The following CYYR1 variants were observed in gnomAD, a reference collection of about 807,000 sequenced individuals.
CYYR1 encodes the protein cysteine and tyrosine-rich protein 1.
In CYYR1, 14 loss-of-function variants were observed where a neutral mutation model predicts 15.2. The observed-to-expected ratio is 0.92, with a 90% confidence interval of 0.61 to 1.44. The LOEUF is 1.44. CYYR1 is among the 40% of genes most tolerant of loss of function. The pLI, the probability that CYYR1 is intolerant of heterozygous loss-of-function variation, is 0.00. For missense variants in CYYR1, 228 were observed against 209.5 expected (o/e 1.09, Z -0.54); for synonymous variants, 80 against 77.4 (o/e 1.03, Z -0.18).
chr21:26,546,030 A>C, intron 2 of CYYR1, among the ~76,000 whole-genome samples: 1 of 152,156 alleles, frequency 6.6e-6, no homozygotes, highest in East Asian at 1.9e-4. Context: ...GAATAAAATA[A>C]CTTTATTTTT....
Position 26,486,784 on chromosome 21 carries a change from C to T in CYYR1, c.177-6355G>A, listed in dbSNP as rs79584712. Among the ~76,000 whole-genome samples, 15 of 152,054 alleles carry T rather than the reference C, an allele frequency of 9.9e-5. No homozygotes were observed. The East Asian group carries it at 2.5e-3, about 25-fold the overall frequency. ...GTAAAAAAAGATTCTGATAATGTTGCCATGTTGCAGTAACACTTTTAGGCT... is the reference window on the plus strand; with the variant it reads ...GTAAAAAAAGATTCTGATAATGTTGTCATGTTGCAGTAACACTTTTAGGCT... On this transcript the variant is annotated intron_variant, in intron 2 of 3. Coordinates refer to ENST00000652641, the MANE Select transcript of CYYR1 (RefSeq NM_001320768.2).
At chr21:26,484,739 T>C (rs1279372362) in intron 2 of CYYR1, among the ~76,000 whole-genome samples, 2 of 152,088 alleles carry the variant, frequency 1.3e-5, no homozygotes, top group Non-Finnish European at 2.9e-5. Flanking sequence ...AGATATCGAA[T>C]TGGGACATAT....
intron 2 of CYYR1, among the ~76,000 whole-genome samples, chr21:26,540,778 T>C (rs1978497957): frequency 6.6e-6 from 1 of 152,112 alleles, no homozygotes. Flanking sequence ...ATTCCATACA[T>C]AGTCAAGAGG....
At chr21:26,527,195 G>A (rs541531628) in intron 2 of CYYR1, among the ~76,000 whole-genome samples, 37 of 152,070 alleles carry the variant, frequency 2.4e-4, no homozygotes, top group Non-Finnish European at 3.8e-4. Context: ...TACAGTAAAG[G>A]CCAGAAACAC....
intron 2 of CYYR1, among the ~76,000 whole-genome samples, chr21:26,512,315 C>T (rs1171408334): frequency 1.3e-5 from 2 of 152,092 alleles, no homozygotes; most frequent in East Asian, 1.9e-4. Flanking sequence ...TCTCCTGCCT[C>T]GGCCTCCCAA....
chr21:26,533,755 G>A (rs970225728), intron 2 of CYYR1, among the ~76,000 whole-genome samples: 8 of 152,156 alleles, frequency 5.3e-5, no homozygotes, highest in Admixed American at 3.9e-4. Context: ...TATTGCTGCT[G>A]TTGTTGGTGT....
In CYYR1 at chr21:26,573,244, C is replaced by G. The variant is rs534185584; in HGVS notation, c.-304G>C. On this transcript the variant is annotated 5_prime_UTR_variant, in exon 1 of 4. Transcript: ENST00000652641. The stretch of plus-strand genomic sequence containing the variant: ...AAGGCGGCCACTCCGGCGTCCTTGG[C>G]CACCCAGGCTCACATTTCATCTCCG... 7.3e-7 allele frequency: 1 copy of G among 1,376,278 alleles called. No individual in the cohort carries two copies. Among genetic ancestry groups the G allele is most frequent in the Non-Finnish European group, 9.5e-7 (1 of 1,051,062 alleles). 85.3% of individuals were successfully genotyped at this position (1,376,278 alleles called of 1,614,324 possible).
chr21:26,570,505 G>T (rs753239253), intron 1 of CYYR1, among the ~76,000 whole-genome samples: 1 of 152,178 alleles, frequency 6.6e-6, no homozygotes, highest in Non-Finnish European at 1.5e-5. Context: ...TTTGTAGCCT[G>T]CAGTGGGAGT....
intron 2 of CYYR1, among the ~76,000 whole-genome samples, chr21:26,516,403 A>G (rs1226160646): frequency 6.6e-6 from 1 of 152,236 alleles, no homozygotes; most frequent in African/African-American, 2.4e-5. Flanking sequence ...AATGATGACA[A>G]AAGTTTGAGA....
chr21:26,571,265 T>G (rs1980994385), intron 1 of CYYR1, among the ~76,000 whole-genome samples: 1 of 152,246 alleles, frequency 6.6e-6, no homozygotes, highest in Non-Finnish European at 1.5e-5. Flanking sequence ...AAGAGCTTAT[T>G]AGCTAAACAC....
chr21:26,494,102 C>T (rs1438799341), intron 2 of CYYR1, among the ~76,000 whole-genome samples: 5 of 152,132 alleles, frequency 3.3e-5, no homozygotes, highest in African/African-American at 9.7e-5. Context: ...TCAGACAATG[C>T]CCGAGGTTCC....
chr21:26,483,836 ATCTC>A (rs1302556577), intron 2 of CYYR1, among the ~76,000 whole-genome samples: 1 of 152,014 alleles, frequency 6.6e-6, no homozygotes, highest in Non-Finnish European at 1.5e-5. Context: ...ATGTTGCTCA[ATCTC>A]TCTGTGCCTC....
At chr21:26,543,954 C>A (rs935330249) in intron 2 of CYYR1, among the ~76,000 whole-genome samples, 10 of 152,000 alleles carry the variant, frequency 6.6e-5, no homozygotes, top group African/African-American at 2.2e-4. Flanking sequence ...AATGGTCACA[C>A]ATAGCTGCAA....
chr21:26,538,526 C>T (rs1978337451), intron 2 of CYYR1, among the ~76,000 whole-genome samples: 1 of 151,806 alleles, frequency 6.6e-6, no homozygotes, highest in African/African-American at 2.4e-5. Context: ...CTTATTTTTC[C>T]ACCACTTTGT....
intron 2 of CYYR1, among the ~76,000 whole-genome samples, chr21:26,553,937 T>C (rs1385690562): frequency 6.6e-6 from 1 of 152,208 alleles, no homozygotes; most frequent in Non-Finnish European, 1.5e-5. Context: ...CTATGATCAA[T>C]GACTTTTTAT....
chr21:26,545,629 G>A (rs1978916708), intron 2 of CYYR1, among the ~76,000 whole-genome samples: 1 of 124,648 alleles, frequency 8.0e-6, no homozygotes, highest in Admixed American at 1.1e-4. Context: ...GTTCAGTGGT[G>A]CGATCTCGGC....
intron 2 of CYYR1, among the ~76,000 whole-genome samples, chr21:26,494,511 T>C (rs2065367574): frequency 6.6e-6 from 1 of 152,188 alleles, no homozygotes; most frequent in South Asian, 2.1e-4. Flanking sequence ...TACTCATTCA[T>C]ATTATCTAGC....
chr21:26,505,873 A>C (rs550229936), intron 2 of CYYR1, among the ~76,000 whole-genome samples: 383 of 152,340 alleles, frequency 2.5e-3, no homozygotes, highest in African/African-American at 8.9e-3. Context: ...GCATTAAGGA[A>C]CTATTTAGTC....
intron 2 of CYYR1, chr21:26,551,747 T>C: frequency 4.9e-6 from 1 of 206,116 alleles, no homozygotes; most frequent in South Asian, 7.4e-5. Flanking sequence ...TGGAATCTAT[T>C]CCTGGTGAAA....
Sources: allele counts gnomAD v4.1 joint callset (sites outside exome capture counted in the v4.1 genomes callset), GRCh38; gene constraint gnomAD v4.1.1; transcripts MANE v1.5; gene names NCBI Gene and HGNC (gene_info 2026-07-23, HGNC 2026-07-21).